SNAP47: variants seen among roughly 807,000 people sequenced by gnomAD.
SNAP47 encodes synaptosomal-associated protein 47.
Under a neutral mutation model 31.4 loss-of-function variants are expected in SNAP47, and 20 were observed. The ratio of observed to expected loss-of-function variants is 0.64; its 90% CI spans 0.45 to 0.93. The LOEUF (loss-of-function observed/expected upper bound fraction) is 0.93, where lower values mean the gene tolerates loss of function less well. SNAP47 is among the 40% of genes least tolerant of loss of function. SNAP47 has a pLI of 0.00. For missense variants in SNAP47, 492 were observed against 528.5 expected, an observed-to-expected ratio of 0.93 and a Z score of 0.68; for synonymous variants, 194 against 213.4, an observed-to-expected ratio of 0.91 and a Z score of 0.79.
chr1:227,751,744 GTTTTTTTTTTTTTTTTTTTTTTTT>G lies in SNAP47; in HGVS notation c.497+3525_497+3548del, dbSNP rs540732076. On this transcript the variant is annotated intron_variant, in intron 2 of 4. Transcript: ENST00000617596. ...ATGGGGCCAATTACATAAAGACTTGGTTTTTTTTTTTTTTTTTTTTTTTTTTTTTTTTTTTTTGAGACGGAGTCT... is the reference window on the plus strand; with the variant it reads ...ATGGGGCCAATTACATAAAGACTTGGTTTTTTTTTTTTTGAGACGGAGTCT... 8.5e-4 allele frequency among the ~76,000 whole-genome samples: 59 copies of G among 69,142 alleles called. 1 individual carries two copies. The highest frequency in any genetic ancestry group is 4.4e-4 in the Non-Finnish European group (16 of 36,756). 45.4% of individuals were successfully genotyped at this position (69,142 alleles called of 152,430 possible). A position where few individuals can be genotyped will look rare whatever the true frequency, so the allele number is the denominator to read the frequency against.
At chr1:227,733,006 G>A (rs377446405), upstream of SNAP47, 34 of 1,613,388 alleles carry the variant, frequency 2.1e-5, no homozygotes, top group Admixed American at 2.5e-4. Flanking sequence ...ACCCAGTTGT[G>A]GTTGATGGAG....
upstream of SNAP47, chr1:227,734,199 AG>A: frequency 1.4e-6 from 1 of 730,316 alleles, no homozygotes; most frequent in South Asian, 1.9e-5. Context: ...CTGGCGGGGG[AG>A]GGGGCGGGGC....
chr1:227,769,291 G>A (rs772653763), intron 4 of SNAP47, among the ~76,000 whole-genome samples: 12 of 152,184 alleles, frequency 7.9e-5, no homozygotes, highest in Admixed American at 2.6e-4. Flanking sequence ...GTCACCCAAG[G>A]TATGGGGTTG....
chr1:227,757,150 GT>G (rs1223844173), intron 2 of SNAP47, among the ~76,000 whole-genome samples: 1 of 152,184 alleles, frequency 6.6e-6, no homozygotes, highest in East Asian at 1.9e-4. Context: ...TTTGTTTCTG[GT>G]TTTCAGCTGA....
rs771893463 is a variant in SNAP47 at position 227,759,449 on chromosome 1, T to C, written c.952T>C (p.Ser318Pro). 1 of 1,614,062 alleles carries C rather than the reference T, an allele frequency of 6.2e-7. No individual in the cohort carries two copies. Among genetic ancestry groups the C allele is most frequent in the Non-Finnish European group, 8.5e-7 (1 of 1,180,022 alleles). Residue 318 changes from serine to proline, a missense_variant, in exon 3 of 5, where the codon TCC becomes CCC. By Grantham distance (74) the Ser-to-Pro change is moderately conservative. Transcript: ENST00000617596. ...ALVLRSARTS[S>P]PAEKSCSVWH... ...GGTGCTCAGAAGCGCAAGAACCTCT[T>C]CCCCCGCAGAGAAGAGCTGCTCAGT...
Position 227,762,249 on chromosome 1 carries a change from T to C in SNAP47, c.988+2764T>C, listed in dbSNP as rs1663109222. Among the ~76,000 whole-genome samples the C allele has an allele frequency of 6.6e-6, 1 of 152,234 alleles. No individual in the cohort carries two copies. The highest frequency in any genetic ancestry group is 2.1e-4 in the South Asian group (1 of 4,830). On this transcript the variant is annotated intron_variant, in intron 3 of 4. Transcript: ENST00000617596. The surrounding 1 kb of genome is among the most constrained non-coding windows in gnomAD (Gnocchi z 4.2). ...TTTCACCCCCATGGGCAACCTGGCC[T>C]GTCCAGGTAAGTGCTGGTCTCATGG... is the stretch of plus-strand genomic sequence containing the variant.
At chr1:227,734,401 G>A, upstream of SNAP47, 1 of 296,744 alleles carries the variant, frequency 3.4e-6, no homozygotes, top group Admixed American at 4.9e-5. Context: ...ACGCCTTCCT[G>A]TAATCCCAGG....
chr1:227,770,100 G>T (rs1206723253), intron 4 of SNAP47, among the ~76,000 whole-genome samples: 1 of 152,252 alleles, frequency 6.6e-6, no homozygotes, highest in East Asian at 1.9e-4. Context: ...GTCCCTGTGG[G>T]CACAGGTCCC....
chr1:227,774,934 C>T (rs1300096563), intron 4 of SNAP47, among the ~76,000 whole-genome samples: 4 of 152,246 alleles, frequency 2.6e-5, no homozygotes, highest in Non-Finnish European at 5.9e-5. Context: ...CCAGGCCCAG[C>T]TCCTTGCTCT....
chr1:227,757,297 T>G (rs568131088), intron 2 of SNAP47, among the ~76,000 whole-genome samples: 1 of 152,296 alleles, frequency 6.6e-6, no homozygotes, highest in Admixed American at 6.5e-5. Flanking sequence ...AAAGAAAACG[T>G]GTGAGTGTGG....
At chr1:227,746,858 C>A (rs1003877522) in intron 1 of SNAP47, 2 of 152,278 alleles carry the variant, frequency 1.3e-5, no homozygotes, top group Non-Finnish European at 2.9e-5. Flanking sequence ...CTGGCTCTGG[C>A]CCTGGCAGAG....
At chr1:227,733,698 G>T (rs371712657), upstream of SNAP47, 2 of 1,599,100 alleles carry the variant, frequency 1.3e-6, no homozygotes, top group East Asian at 2.2e-5. Context: ...CAGCAAGAGC[G>T]CCTGGTTCAT....
chr1:227,778,353 G>A (rs1664276291), intron 4 of SNAP47, among the ~76,000 whole-genome samples: 1 of 152,254 alleles, frequency 6.6e-6, no homozygotes, highest in African/African-American at 2.4e-5. Context: ...TGTGGGTCCT[G>A]GCAGGGGCCT....
Position 227,780,965 on chromosome 1 carries a change from A to C in SNAP47, c.*292A>C. 1 of 418,858 alleles carries C rather than the reference A, an allele frequency of 2.4e-6. No individual in the cohort carries two copies. Among genetic ancestry groups the C allele is most frequent in the Non-Finnish European group, 4.3e-6 (1 of 230,556 alleles). 25.9% of individuals were successfully genotyped at this position (418,858 alleles called of 1,614,324 possible). On this transcript the variant is annotated 3_prime_UTR_variant, in exon 5 of 5. Coordinates refer to ENST00000617596, the MANE Select transcript of SNAP47 (RefSeq NM_053052.4). ...AGGACACTTGGCACAGGCCTGGAAG[A>C]GGCCGCCCTCGTCTTGTCTCGGCTC... is the stretch of plus-strand genomic sequence containing the variant.
intron 2 of SNAP47, among the ~76,000 whole-genome samples, chr1:227,750,953 G>T (rs760956375): frequency 1.3e-5 from 2 of 152,202 alleles, no homozygotes; most frequent in Non-Finnish European, 2.9e-5. Flanking sequence ...ATTATCCATG[G>T]CATGGACCCA....
chr1:227,739,527 G>A (rs541617154), intron 1 of SNAP47, among the ~76,000 whole-genome samples: 46 of 152,292 alleles, frequency 3.0e-4, no homozygotes, highest in Admixed American at 9.8e-4. Flanking sequence ...GCACCCTACC[G>A]CCCCTGTGGG....
chr1:227,748,149 G>A lies in SNAP47; in HGVS notation c.413G>A (p.Arg138Lys), dbSNP rs751702505. ...GSQKRLEDTARVLHHQGQQLD... is the reference protein window; with the variant it reads ...GSQKRLEDTAKVLHHQGQQLD... Reference sequence around the variant, plus strand: ...CAGAAACGCCTGGAGGACACGGCGAGGGTCCTGCACCACCAGGGCCAGCAG... The same window carrying A: ...CAGAAACGCCTGGAGGACACGGCGAAGGTCCTGCACCACCAGGGCCAGCAG... Residue 138 changes from arginine to lysine, a missense_variant, in exon 2 of 5, where the codon AGG becomes AAG. Coordinates refer to ENST00000617596, the MANE Select transcript of SNAP47 (RefSeq NM_053052.4). The A allele has an allele frequency of 1.5e-5, 24 of 1,613,806 alleles. No homozygotes were observed. In the Middle Eastern group the frequency reaches 6.6e-4, roughly 44 times the overall value.
intron 1 of SNAP47, among the ~76,000 whole-genome samples, chr1:227,743,225 G>A (rs1661734559): frequency 6.6e-6 from 1 of 152,182 alleles, no homozygotes; most frequent in Admixed American, 6.5e-5. Flanking sequence ...CCTAGGAAGG[G>A]CGGCTCTGGC....
intron 4 of SNAP47, among the ~76,000 whole-genome samples, chr1:227,774,999 A>G (rs1396824327): frequency 6.6e-6 from 1 of 152,216 alleles, no homozygotes; most frequent in Non-Finnish European, 1.5e-5. Context: ...GGCTGAATCA[A>G]AGTCCCCTCT....
Sources: gnomAD v4.1 joint callset for allele counts (sites outside exome capture counted in the v4.1 genomes callset) on GRCh38, gnomAD v4.1.1 for gene constraint, Gnocchi (gnomAD v3.1) non-coding constraint, MANE v1.5 for transcripts, NCBI Gene and HGNC (gene_info 2026-07-23, HGNC 2026-07-21) for gene names.